Variants in SLC4A4 observed in about 807,000 individuals in gnomAD.
The protein encoded by SLC4A4 is solute carrier family 4 member 4.
A neutral mutation model predicts 111.5 loss-of-function variants in SLC4A4; 27 were observed. That is an observed-to-expected ratio of 0.24 (90% CI 0.18 to 0.33). The LOEUF (loss-of-function observed/expected upper bound fraction) is 0.33, where lower values mean the gene tolerates loss of function less well. Ranked by LOEUF, SLC4A4 falls within the 10% of genes least tolerant of loss-of-function variation. The probability of loss-of-function intolerance (pLI) is 1.00; values close to 1 mark genes in which losing one functional copy is unlikely to be tolerated. For synonymous variants in SLC4A4, 443 were observed against 463.4 expected, an observed-to-expected ratio of 0.96 and a Z score of 0.57; for missense variants, 909 against 1,315.5, an observed-to-expected ratio of 0.69 and a Z score of 4.78.
At chr4:71,412,273 G>T (rs980286506) in intron 7 of SLC4A4, among the ~76,000 whole-genome samples, 1 of 152,168 alleles carries the variant, frequency 6.6e-6, no homozygotes, top group Non-Finnish European at 1.5e-5. Context: ...CCATTATTCA[G>T]AAATACTTGA....
At chr4:71,323,759 C>T (rs1422485864) in intron 3 of SLC4A4, among the ~76,000 whole-genome samples, 1 of 151,988 alleles carries the variant, frequency 6.6e-6, no homozygotes, top group Non-Finnish European at 1.5e-5. Flanking sequence ...TCCATTATGT[C>T]CATCTAGACT....
chr4:71,488,687 C>T (rs988064849), intron 15 of SLC4A4, among the ~76,000 whole-genome samples: 1 of 151,642 alleles, frequency 6.6e-6, no homozygotes, highest in Non-Finnish European at 1.5e-5. Context: ...GAAGTGAAGT[C>T]TGGGTGGTTC....
intron 22 of SLC4A4, among the ~76,000 whole-genome samples, chr4:71,558,489 T>G (rs917364159): frequency 6.6e-6 from 1 of 151,984 alleles, no homozygotes; most frequent in Non-Finnish European, 1.5e-5. Context: ...AACGTTTCAC[T>G]CTGAGTCACA....
intron 1 of SLC4A4, among the ~76,000 whole-genome samples, chr4:71,210,621 A>T (rs2149011610): frequency 6.6e-6 from 1 of 152,346 alleles, no homozygotes; most frequent in East Asian, 1.9e-4. Context: ...GGAAAATCTT[A>T]GGGAAATTAA....
chr4:71,185,687 T>G (rs970321237), upstream of SLC4A4, among the ~76,000 whole-genome samples: 2 of 152,200 alleles, frequency 1.3e-5, no homozygotes, highest in Non-Finnish European at 2.9e-5. Flanking sequence ...CAAGCACTGG[T>G]GAGGCACCAT....
chr4:71,206,866 T>C (rs985810166), intron 1 of SLC4A4, among the ~76,000 whole-genome samples: 1 of 151,934 alleles, frequency 6.6e-6, no homozygotes, highest in Non-Finnish European at 1.5e-5. Context: ...TGGTTTGGGG[T>C]TTCATTTCCT....
In SLC4A4 at chr4:71,569,725, T is replaced by C. The variant is rs1737789167; in HGVS notation, c.*1974T>C. The stretch of plus-strand genomic sequence containing the variant: ...GCACTTATTGACTCCCACTCATTGT[T>C]ATGTTAATTAAGTTATTATTCTGTC... On this transcript the variant is annotated 3_prime_UTR_variant, in exon 26 of 26. Transcript: ENST00000264485. 6.6e-6 allele frequency: 1 copy of C among 151,740 alleles called. No homozygotes were observed. The highest frequency in any genetic ancestry group is 1.5e-5 in the Non-Finnish European group (1 of 67,788). 9.4% of individuals were successfully genotyped at this position (151,740 alleles called of 1,614,324 possible). A position where few individuals can be genotyped will look rare whatever the true frequency, so the allele number is the denominator to read the frequency against.
At chr4:71,251,949 T>C (rs1433516043) in intron 2 of SLC4A4, among the ~76,000 whole-genome samples, 2 of 152,144 alleles carry the variant, frequency 1.3e-5, no homozygotes, top group African/African-American at 4.8e-5. Context: ...AGCTTGTCTG[T>C]CAAGTTTCTC....
At chr4:71,483,583 G>GT (rs1729086739) in intron 14 of SLC4A4, among the ~76,000 whole-genome samples, 1 of 151,796 alleles carries the variant, frequency 6.6e-6, no homozygotes, top group Admixed American at 6.6e-5. Flanking sequence ...TTGATGGGCA[G>GT]TTAAGTTGAT....
At chr4:71,375,531 A>C (rs1732269173) in intron 6 of SLC4A4, among the ~76,000 whole-genome samples, 1 of 152,044 alleles carries the variant, frequency 6.6e-6, no homozygotes, top group Non-Finnish European at 1.5e-5. Flanking sequence ...AGGCTTCTTA[A>C]CTTGAGGTGC....
intron 9 of SLC4A4, among the ~76,000 whole-genome samples, chr4:71,448,422 A>G (rs1195060821): frequency 6.6e-6 from 1 of 151,974 alleles, no homozygotes; most frequent in African/African-American, 2.4e-5. Flanking sequence ...TCTATATTCT[A>G]TATTATTTCA....
intron 2 of SLC4A4, among the ~76,000 whole-genome samples, chr4:71,144,688 T>G (rs1744114749): frequency 6.6e-6 from 1 of 151,858 alleles, no homozygotes; most frequent in African/African-American, 2.4e-5. Context: ...GAGTCCTAGG[T>G]ATTTTATTCT....
rs545952773 is a variant in SLC4A4, at chr4:71,525,369, T to A, written c.2167-6693T>A. Among the ~76,000 whole-genome samples the A allele has an allele frequency of 3.3e-5, 5 of 152,254 alleles. No individual in the cohort carries two copies. In the East Asian group the frequency reaches 7.7e-4, roughly 24 times the overall value. On this transcript the variant is annotated intron_variant, in intron 16 of 25. Coordinates refer to ENST00000264485, the MANE Select transcript of SLC4A4 (RefSeq NM_001098484.3). ...AAATAGTAAACAAAAATGAAAGAGTTCAAAACTAGTCTGATATAAAAAAGG... is the reference window on the plus strand; with the variant it reads ...AAATAGTAAACAAAAATGAAAGAGTACAAAACTAGTCTGATATAAAAAAGG...
At chr4:71,348,784 G>A (rs1385316946) in intron 4 of SLC4A4, among the ~76,000 whole-genome samples, 1 of 152,090 alleles carries the variant, frequency 6.6e-6, no homozygotes, top group Non-Finnish European at 1.5e-5. Flanking sequence ...GTGGTAAGAG[G>A]TCTATAAATA....
At chr4:71,127,367 T>A (rs1240513299) in intron 2 of SLC4A4, among the ~76,000 whole-genome samples, 1 of 152,192 alleles carries the variant, frequency 6.6e-6, no homozygotes, top group African/African-American at 2.4e-5. Context: ...TTAGAGGCAT[T>A]TGGTGCTGAA....
intron 1 of SLC4A4, among the ~76,000 whole-genome samples, chr4:71,071,261 C>A (rs1311587945): frequency 7.1e-5 from 7 of 98,106 alleles, no homozygotes; most frequent in African/African-American, 2.8e-4. Context: ...CAGAGTGAGA[C>A]CGTCTTAAAA....
At chr4:71,165,281 T>C (rs2148979353) in intron 2 of SLC4A4, among the ~76,000 whole-genome samples, 1 of 152,322 alleles carries the variant, frequency 6.6e-6, no homozygotes, top group South Asian at 2.1e-4. Context: ...CTGTTTACAA[T>C]AGCAAAGACT....
chr4:71,112,864 T>C (rs1743132672), intron 2 of SLC4A4, among the ~76,000 whole-genome samples: 1 of 152,170 alleles, frequency 6.6e-6, no homozygotes, highest in Admixed American at 6.6e-5. Context: ...TGGAAAAAAA[T>C]ATTTAGTGAT....
chr4:71,534,468 G>C, intron 18 of SLC4A4, 80 bp downstream of exon 18: 1 of 1,416,464 alleles, frequency 7.1e-7, no homozygotes, highest in Non-Finnish European at 9.9e-7. Flanking sequence ...TAAAAACCAA[G>C]GGAGCTTTGT....
Sources: allele counts gnomAD v4.1 joint callset (sites outside exome capture counted in the v4.1 genomes callset), GRCh38; gene constraint gnomAD v4.1.1; transcripts MANE v1.5; gene names NCBI Gene and HGNC (gene_info 2026-07-23, HGNC 2026-07-21).